Variants in UBE2G1 observed in about 807,000 individuals in gnomAD.
UBE2G1 encodes the protein ubiquitin conjugating enzyme E2 G1.
A neutral mutation model predicts 22.7 loss-of-function variants in UBE2G1; 5 were observed. The observed-to-expected ratio is 0.22, with a 90% CI of 0.12 to 0.46. The LOEUF is 0.46. Ranked by LOEUF, UBE2G1 falls within the 20% of genes least tolerant of loss-of-function variation. The pLI is 0.99. For synonymous variants in UBE2G1, 74 were observed against 67.5 expected (o/e 1.10, Z -0.47); for missense variants, 88 against 203.9 (o/e 0.43, Z 3.46).
chr17:4,337,319 T>TAAAAA (rs71383549), intron 1 of UBE2G1, among the ~76,000 whole-genome samples: 3 of 69,418 alleles, frequency 4.3e-5, no homozygotes, highest in Admixed American at 1.8e-4. Flanking sequence ...CTAATCTGTG[T>TAAAAA]AAAAAAAAAA....
At chr17:4,332,944 C>T (rs1396078544) in intron 1 of UBE2G1, among the ~76,000 whole-genome samples, 1 of 152,190 alleles carries the variant, frequency 6.6e-6, no homozygotes, top group Non-Finnish European at 1.5e-5. Context: ...ATTCTTCTCT[C>T]CCCTACCCTA....
At chr17:4,320,189 A>T (rs1039359967) in intron 1 of UBE2G1, among the ~76,000 whole-genome samples, 1 of 152,132 alleles carries the variant, frequency 6.6e-6, no homozygotes, top group African/African-American at 2.4e-5. Flanking sequence ...AAATATATCT[A>T]TATTTATGAT....
intron 1 of UBE2G1, among the ~76,000 whole-genome samples, chr17:4,321,149 TA>T (rs1256298092): frequency 1.1e-4 from 16 of 151,350 alleles, no homozygotes; most frequent in Middle Eastern, 3.4e-3. Flanking sequence ...GACCCCATCT[TA>T]AAAAAAAATT....
chr17:4,313,678 G>C (rs1209110266), intron 1 of UBE2G1, among the ~76,000 whole-genome samples: 2 of 152,076 alleles, frequency 1.3e-5, no homozygotes, highest in Admixed American at 1.3e-4. Context: ...GTAGTATCTG[G>C]GAAGAGGCAT....
chr17:4,358,900 C>G (rs1597268519), intron 1 of UBE2G1, among the ~76,000 whole-genome samples: 1 of 151,604 alleles, frequency 6.6e-6, no homozygotes, highest in Non-Finnish European at 1.5e-5. Flanking sequence ...TGCGGTGAGC[C>G]GAGATCGTGC....
At chr17:4,324,970 G>A (rs542907127) in intron 1 of UBE2G1, among the ~76,000 whole-genome samples, 5 of 151,998 alleles carry the variant, frequency 3.3e-5, no homozygotes, top group Non-Finnish European at 4.4e-5. Context: ...CCAGCTACTC[G>A]GGAGGCTGAG....
At chr17:4,306,948 C>T (rs1035562534) in intron 2 of UBE2G1, 73 bp downstream of exon 2, 1 of 1,426,464 alleles carries the variant, frequency 7.0e-7, no homozygotes, top group Non-Finnish European at 9.8e-7. Context: ...CCGTGCCCAG[C>T]CTGCCAAAAT....
intron 4 of UBE2G1, among the ~76,000 whole-genome samples, chr17:4,283,538 A>T (rs1216648982): frequency 2.7e-5 from 4 of 148,808 alleles, no homozygotes; most frequent in African/African-American, 9.9e-5. Flanking sequence ...AGGATTACCA[A>T]CTCTCCCTAT....
chr17:4,348,552 CAA>C (rs777127524), intron 1 of UBE2G1, among the ~76,000 whole-genome samples: 11 of 64,210 alleles, frequency 1.7e-4, no homozygotes, highest in Admixed American at 1.8e-4. Context: ...GACTCCGTCT[CAA>C]AAAAAAAAAA....
chr17:4,323,400 T>C (rs1969466520), intron 1 of UBE2G1, among the ~76,000 whole-genome samples: 1 of 152,134 alleles, frequency 6.6e-6, no homozygotes, highest in Admixed American at 6.5e-5. Context: ...AAGACAAAAC[T>C]CCTTTAATTA....
intron 1 of UBE2G1, among the ~76,000 whole-genome samples, chr17:4,315,730 A>C (rs1330378479): frequency 6.8e-6 from 1 of 147,986 alleles, no homozygotes; most frequent in African/African-American, 2.5e-5. Context: ...AAAGAGCGAG[A>C]CTCCATCTCA....
chr17:4,306,795 G>A (rs1208597726), intron 2 of UBE2G1, among the ~76,000 whole-genome samples: 2 of 151,592 alleles, frequency 1.3e-5, no homozygotes, highest in African/African-American at 2.4e-5. Context: ...GGGACTACAG[G>A]TGCATGCCAC....
intron 5 of UBE2G1, among the ~76,000 whole-genome samples, chr17:4,275,102 TA>T (rs200049344): frequency 6.6e-5 from 10 of 150,660 alleles, no homozygotes; most frequent in African/African-American, 1.2e-4. Context: ...ACTCCCGTCT[TA>T]AAAAAAAACA....
chr17:4,299,389 A>G (rs1354205439), intron 2 of UBE2G1, among the ~76,000 whole-genome samples: 1 of 151,908 alleles, frequency 6.6e-6, no homozygotes, highest in Non-Finnish European at 1.5e-5. Context: ...CCAGAGTGAG[A>G]CTCTGTCTCA....
chr17:4,357,378 G>C (rs979128994), intron 1 of UBE2G1, among the ~76,000 whole-genome samples: 1 of 151,858 alleles, frequency 6.6e-6, no homozygotes, highest in Admixed American at 6.6e-5. Flanking sequence ...ATATATAGGA[G>C]AAAGCACAAG....
intron 1 of UBE2G1, among the ~76,000 whole-genome samples, chr17:4,338,976 C>T (rs1010648683): frequency 1.3e-5 from 2 of 152,134 alleles, no homozygotes; most frequent in East Asian, 1.9e-4. Context: ...GGACTGGTAC[C>T]GCTCGGGAGT....
At chr17:4,316,556 ATT>A (rs1382970429) in intron 1 of UBE2G1, among the ~76,000 whole-genome samples, 5 of 152,198 alleles carry the variant, frequency 3.3e-5, no homozygotes, top group African/African-American at 1.2e-4. Context: ...ACAAAGGTGT[ATT>A]TCCTCTTTAG....
At position 4,307,067 on chromosome 17, in the gene UBE2G1, G is replaced by C. The variant is rs978808505; in HGVS notation, c.103C>G (p.Leu35Val). ...FSAGLIDDND[L>V]YRWEVLIIGP... ...ATAATAAGGACTTCCCATCGGTAGA[G>C]ATCATTGTCATCTATTAAACCTGCA... Residue 35 changes from leucine (L) to valine (V), a missense_variant, in exon 2 of 6, where the codon CTC becomes GTC. Transcript: ENST00000396981. The C allele has an allele frequency of 6.2e-7, 1 of 1,614,088 alleles. No homozygotes were observed. The highest frequency in any genetic ancestry group is 8.5e-7 in the Non-Finnish European group (1 of 1,179,968).
intron 1 of UBE2G1, among the ~76,000 whole-genome samples, chr17:4,356,428 G>A (rs1310590491): frequency 6.6e-6 from 1 of 152,196 alleles, no homozygotes; most frequent in Non-Finnish European, 1.5e-5. Flanking sequence ...AGCACCTCAA[G>A]GTAGGGATAT....
Sources: allele counts gnomAD v4.1 joint callset (sites outside exome capture counted in the v4.1 genomes callset), GRCh38; gene constraint gnomAD v4.1.1; transcripts MANE v1.5; gene names NCBI Gene and HGNC (gene_info 2026-07-23, HGNC 2026-07-21).